Variants in METTL21C observed in about 807,000 individuals in gnomAD.
METTL21C encodes protein-lysine methyltransferase METTL21C.
In METTL21C, 21 loss-of-function variants were observed where a neutral mutation model predicts 25.9. The ratio of observed to expected loss-of-function variants is 0.81; its 90% CI spans 0.58 to 1.17. The LOEUF (loss-of-function observed/expected upper bound fraction) is 1.17. Ranked by LOEUF, METTL21C falls within the 50% of genes most tolerant of loss-of-function variation. METTL21C has a pLI of 0.00. For synonymous variants in METTL21C, 125 were observed against 124.7 expected (o/e 1.00, Z -0.01); for missense variants, 312 against 315.1 (o/e 0.99, Z 0.07).
the METTL21C span, among the ~76,000 whole-genome samples, chr13:102,704,028 G>T: frequency 1.3e-5 from 2 of 152,160 alleles, no homozygotes; most frequent in African/African-American, 4.8e-5. Context: ...AAATTGGAAA[G>T]AAAATGAAAA....
intron 2 of METTL21C, among the ~76,000 whole-genome samples, chr13:102,689,681 A>G (rs896000): frequency 0.6 from 90,970 of 151,968 alleles, 27,847 homozygotes; most frequent in Middle Eastern, 0.7. Context: ...AAGCAACCAC[A>G]CTGGCTCTGA....
chr13:102,686,268 GTAAAAA>G lies in METTL21C; in HGVS notation c.552_557del (p.Phe185_Tyr186del). 6.2e-7 allele frequency: 1 copy of G among 1,614,188 alleles called. No individual in the cohort carries two copies. Among genetic ancestry groups the G allele is most frequent in the African/African-American group, 1.3e-5 (1 of 75,046 alleles). ...CATCTGAGGCTAGGACGTAATCATA[GTAAAAA>G]GCTGACTTGGGAAAGTTTTTGTCCA... On this transcript the variant is annotated inframe_deletion, in exon 4 of 4. Coordinates refer to ENST00000267273, the MANE Select transcript of METTL21C (RefSeq NM_001010977.3).
upstream of METTL21C, among the ~76,000 whole-genome samples, chr13:102,697,903 A>G (rs904135709): frequency 3.9e-5 from 6 of 152,156 alleles, no homozygotes; most frequent in African/African-American, 1.4e-4. Flanking sequence ...GAGGCAAAAC[A>G]CACACTTCAG....
intron 3 of METTL21C, among the ~76,000 whole-genome samples, 168 bp from the exon 4 acceptor site, chr13:102,686,593 G>A (rs773112267): frequency 1.3e-5 from 2 of 152,122 alleles, no homozygotes; most frequent in Non-Finnish European, 2.9e-5. Flanking sequence ...TGGGTGGTCC[G>A]TCCCGTGCAC....
chr13:102,694,900 T>TCTCACA lies in METTL21C; in HGVS notation c.-403_-402insTGTGAG, dbSNP rs1262985773. ...CTCTCTCTCTCTCTCTCTCTCTCTC[T>TCTCACA]CACACACACACACACACACACACAC... On this transcript the variant is annotated 5_prime_UTR_variant, in exon 1 of 4. The change abolishes the stop of an existing upstream ORF in the 5' untranslated region. Coordinates refer to ENST00000267273, the MANE Select transcript of METTL21C (RefSeq NM_001010977.3). 4.4e-5 allele frequency among the ~76,000 whole-genome samples: 6 copies of TCTCACA among 135,574 alleles called. No homozygotes were observed. The highest frequency in any genetic ancestry group is 2.5e-4 in the South Asian group (1 of 4,074). The allele number at this position is 135,574 out of a possible 152,430, so 88.9% of individuals were successfully genotyped here. A position where few individuals can be genotyped will look rare whatever the true frequency, so the allele number is the denominator to read the frequency against.
intron 3 of METTL21C, 26 bp from the exon 4 acceptor site, chr13:102,686,451 TGGA>T (rs1160504749): frequency 3.2e-6 from 5 of 1,585,460 alleles, no homozygotes; most frequent in African/African-American, 1.4e-5. Context: ...AACAATGACC[TGGA>T]AACATCTGGG....
At chr13:102,698,412 T>G (rs1303200234), upstream of METTL21C, among the ~76,000 whole-genome samples, 1 of 152,204 alleles carries the variant, frequency 6.6e-6, no homozygotes, top group Non-Finnish European at 1.5e-5. Context: ...TCTGTTGTCT[T>G]AGAATCAGAT....
rs376529865 is a variant in METTL21C, at chr13:102,686,011, T to C, written c.*20A>G. On this transcript the variant is annotated 3_prime_UTR_variant, in exon 4 of 4. Transcript: ENST00000267273. ...TTGCTCAAAAGACACAGTAACGTTG[T>C]GAAAGGCATTTTGTTGGATTTAGTC... 6.5e-7 allele frequency: 1 copy of C among 1,545,352 alleles called. No individual in the cohort carries two copies. The highest frequency in any genetic ancestry group is 8.7e-7 in the Non-Finnish European group (1 of 1,144,922).
At chr13:102,690,731 G>T in intron 2 of METTL21C, 82 bp downstream of exon 2, 1 of 1,505,906 alleles carries the variant, frequency 6.6e-7, no homozygotes, top group Non-Finnish European at 9.0e-7. Context: ...GAAGGAACTT[G>T]ACAAATTGTC....
At chr13:102,697,876 G>C (rs78877206), upstream of METTL21C, among the ~76,000 whole-genome samples, 2,552 of 152,244 alleles carry the variant, frequency 0.017, 59 homozygotes, top group African/African-American at 0.058. Flanking sequence ...TAACCCCATG[G>C]GGAGACACTG....
rs368026829 is a variant in METTL21C at position 102,690,883 on chromosome 13, T to A, written c.212A>T (p.Tyr71Phe). 3.1e-6 allele frequency: 5 copies of A among 1,614,046 alleles called. No homozygotes were observed. The African/African-American group carries it at 6.7e-5, about 22-fold the overall frequency. The change falls in exon 2 of 4, where the codon TAT becomes TTT. Residue 71 changes from tyrosine (Y) to phenylalanine (F), a missense_variant. Coordinates refer to ENST00000267273, the MANE Select transcript of METTL21C (RefSeq NM_001010977.3). ...TDYASYTQEH[Y>F]RFAGKEIVIQ... ...GACAATCTCCTTTCCTGCAAACCGATAATGCTCCTGAGTGTAGCTGGCGTA... is the reference window on the plus strand; with the variant it reads ...GACAATCTCCTTTCCTGCAAACCGAAAATGCTCCTGAGTGTAGCTGGCGTA...
intron 3 of METTL21C, among the ~76,000 whole-genome samples, 178 bp downstream of exon 3, chr13:102,686,762 C>G (rs1885686522): frequency 6.6e-6 from 1 of 152,196 alleles, no homozygotes; most frequent in African/African-American, 2.4e-5. Flanking sequence ...ATTAACCTCT[C>G]TGAGACTCAA....
upstream of METTL21C, among the ~76,000 whole-genome samples, chr13:102,699,048 A>G (rs1885991928): frequency 6.6e-6 from 1 of 152,160 alleles, no homozygotes; most frequent in African/African-American, 2.4e-5. Context: ...TCACCCCTAT[A>G]GTCAGGGCTG....
At chr13:102,686,560 T>A in intron 3 of METTL21C, 135 bp from the exon 4 acceptor site, 1 of 1,039,150 alleles carries the variant, frequency 9.6e-7, no homozygotes. Flanking sequence ...ATGTTTGACC[T>A]AATGTGGGCT....
chr13:102,702,169 A>T, the METTL21C span, among the ~76,000 whole-genome samples: 4 of 151,438 alleles, frequency 2.6e-5, no homozygotes, highest in East Asian at 7.7e-4. Flanking sequence ...GCCTCAAAAA[A>T]AAAAAGTGTG....
intron 2 of METTL21C, among the ~76,000 whole-genome samples, chr13:102,688,799 C>T (rs545542586): frequency 4.6e-5 from 7 of 152,152 alleles, no homozygotes; most frequent in Non-Finnish European, 1.0e-4. Context: ...GAGGGGCTGG[C>T]CGCAGGGTGT....
chr13:102,694,209 A>G (rs1885893610), intron 1 of METTL21C, among the ~76,000 whole-genome samples, 160 bp downstream of exon 1: 1 of 152,180 alleles, frequency 6.6e-6, no homozygotes, highest in Non-Finnish European at 1.5e-5. Context: ...AACAGGAATT[A>G]TGTTTATACT....
intron 1 of METTL21C, 110 bp downstream of exon 1, chr13:102,694,259 A>C: frequency 7.8e-7 from 1 of 1,285,744 alleles, no homozygotes. Flanking sequence ...ATAGCAAAAA[A>C]TCTAATGTTA....
intron 1 of METTL21C, 108 bp downstream of exon 1, chr13:102,694,261 C>A (rs1885894849): frequency 7.7e-7 from 1 of 1,293,682 alleles, no homozygotes; most frequent in Non-Finnish European, 1.1e-6. Flanking sequence ...AGCAAAAAAT[C>A]TAATGTTAAA....
Sources: allele counts gnomAD v4.1 joint callset (sites outside exome capture counted in the v4.1 genomes callset), GRCh38; gene constraint gnomAD v4.1.1; transcripts MANE v1.5; gene names NCBI Gene and HGNC (gene_info 2026-07-23, HGNC 2026-07-21).